The following NDUFAF6 variants were observed in gnomAD, a reference collection of about 807,000 sequenced individuals.
The protein encoded by NDUFAF6 is NADH:ubiquinone oxidoreductase complex assembly factor 6, also known as NADH dehydrogenase (ubiquinone) complex I, assembly factor 6.
NDUFAF6 carries 45 observed loss-of-function variants against 40.8 expected under a neutral mutation model. The observed-to-expected ratio is 1.10, with a 90% confidence interval of 0.87 to 1.42. The LOEUF (loss-of-function observed/expected upper bound fraction) is 1.42, where lower values mean the gene tolerates loss of function less well. NDUFAF6 is among the 40% of genes most tolerant of loss of function. NDUFAF6 has a pLI of 0.00. For synonymous variants in NDUFAF6, 185 were observed against 155.9 expected, an observed-to-expected ratio of 1.19 and a Z score of -1.39; for missense variants, 435 against 418.5, an observed-to-expected ratio of 1.04 and a Z score of -0.34.
chr8:94,946,052 G>A (rs1179072566), intron 2 of NDUFAF6, among the ~76,000 whole-genome samples: 1 of 151,540 alleles, frequency 6.6e-6, no homozygotes, highest in African/African-American at 2.4e-5. Flanking sequence ...AGAAAAATAA[G>A]TATTATTCCA....
At chr8:94,967,599 G>T (rs944377888) in intron 1 of NDUFAF6, among the ~76,000 whole-genome samples, 1 of 152,012 alleles carries the variant, frequency 6.6e-6, no homozygotes, top group African/African-American at 2.4e-5. Flanking sequence ...GCAGGGCTTA[G>T]TTGGGTGCCT....
At chr8:95,044,367 A>G (rs1830482691) in intron 4 of NDUFAF6, 1 of 152,160 alleles carries the variant, frequency 6.6e-6, no homozygotes, top group Non-Finnish European at 1.5e-5. Flanking sequence ...TTGAAGGGAT[A>G]AATTTTATGG....
At chr8:94,931,519 G>T (rs2131315010) in intron 1 of NDUFAF6, among the ~76,000 whole-genome samples, 1 of 152,148 alleles carries the variant, frequency 6.6e-6, no homozygotes, top group East Asian at 1.9e-4. Flanking sequence ...ATTTTTAAGA[G>T]TTATTTTACA....
intron 4 of NDUFAF6, among the ~76,000 whole-genome samples, chr8:95,109,872 C>T (rs141167121): frequency 6.6e-6 from 1 of 152,218 alleles, no homozygotes; most frequent in Non-Finnish European, 1.5e-5. Flanking sequence ...GTTTCTGCCT[C>T]TTTGTATGGA....
intron 2 of NDUFAF6, among the ~76,000 whole-genome samples, chr8:94,985,725 A>G (rs1825851127): frequency 6.7e-6 from 1 of 148,824 alleles, no homozygotes; most frequent in Admixed American, 6.7e-5. Flanking sequence ...TAGTAGAGAC[A>G]GGGTTTCACT....
intron 1 of NDUFAF6, among the ~76,000 whole-genome samples, chr8:94,912,136 G>A (rs1330702848): frequency 6.6e-6 from 1 of 152,096 alleles, no homozygotes; most frequent in African/African-American, 2.4e-5. Flanking sequence ...TTTAACAGTG[G>A]TCTCTATCCT....
upstream of NDUFAF6, among the ~76,000 whole-genome samples, chr8:95,023,605 G>A (rs972354612): frequency 1.3e-5 from 2 of 152,194 alleles, no homozygotes; most frequent in African/African-American, 4.8e-5. Flanking sequence ...GGAGGCAAGA[G>A]GGATTCAAGT....
At chr8:94,929,742 A>C (rs1431533286) in intron 1 of NDUFAF6, 1 of 152,240 alleles carries the variant, frequency 6.6e-6, no homozygotes, top group Non-Finnish European at 1.5e-5. Flanking sequence ...TTTTCCAAAT[A>C]TAATCTCACA....
chr8:94,951,562 T>C (rs1450877245), intron 2 of NDUFAF6, among the ~76,000 whole-genome samples: 1 of 152,222 alleles, frequency 6.6e-6, no homozygotes, highest in Non-Finnish European at 1.5e-5. Context: ...TGATTTATAA[T>C]CTTCCCACCT....
intron 2 of NDUFAF6, among the ~76,000 whole-genome samples, chr8:95,019,354 T>G (rs1407287513): frequency 1.3e-5 from 2 of 152,232 alleles, no homozygotes; most frequent in Admixed American, 1.3e-4. Flanking sequence ...ATTTTCAAAC[T>G]TTAGTTCTTT....
At chr8:95,102,039 C>A (rs1809666316) in intron 2 of NDUFAF6, among the ~76,000 whole-genome samples, 1 of 152,042 alleles carries the variant, frequency 6.6e-6, no homozygotes, top group South Asian at 2.1e-4. Flanking sequence ...CTCTTGTTGC[C>A]CAGGCTGGAC....
At chr8:95,089,968 TGCC>T (rs1160245684) in intron 2 of NDUFAF6, among the ~76,000 whole-genome samples, 1 of 152,208 alleles carries the variant, frequency 6.6e-6, no homozygotes, top group Non-Finnish European at 1.5e-5. Context: ...AAATATCTGC[TGCC>T]CTGCGGGTCC....
intron 1 of NDUFAF6, among the ~76,000 whole-genome samples, chr8:94,933,164 C>T (rs1304746022): frequency 6.6e-6 from 1 of 152,144 alleles, no homozygotes; most frequent in Non-Finnish European, 1.5e-5. Context: ...TGCAGTGAGC[C>T]GAGATTGCGC....
chr8:94,968,512 G>T lies in NDUFAF6; in HGVS notation c.-199+10333G>T, dbSNP rs1328210053. 3.3e-5 allele frequency among the ~76,000 whole-genome samples: 5 copies of T among 152,194 alleles called. No homozygotes were observed. In the East Asian group the frequency reaches 9.6e-4, roughly 29 times the overall value. ...GCATTCCAGCCAGAGGGAAGAACAG[G>T]TGCAAGCTCCCTGAGGCAGGAGCAT... On this transcript the variant is annotated intron_variant, in intron 1 of 9. Transcript: ENST00000396111.
intron 1 of NDUFAF6, among the ~76,000 whole-genome samples, chr8:94,898,208 C>T (rs936221851): frequency 1.3e-5 from 2 of 152,086 alleles, no homozygotes; most frequent in Non-Finnish European, 2.9e-5. Context: ...GAATCAATGT[C>T]GATGTGTTAT....
chr8:94,964,633 GAGA>G (rs1453801679), intron 1 of NDUFAF6, among the ~76,000 whole-genome samples: 1 of 152,118 alleles, frequency 6.6e-6, no homozygotes, highest in Non-Finnish European at 1.5e-5. Flanking sequence ...GCAAGAGAGC[GAGA>G]AGGAGGTGCC....
chr8:95,089,456 CTG>C (rs72153305), intron 2 of NDUFAF6, among the ~76,000 whole-genome samples: 32,015 of 101,884 alleles, frequency 0.31, 3,673 homozygotes, highest in African/African-American at 0.43. Flanking sequence ...ATAGTGTAAA[CTG>C]TGTGTATATA....
upstream of NDUFAF6, among the ~76,000 whole-genome samples, chr8:94,957,718 A>G (rs1823200449): frequency 6.6e-6 from 1 of 152,176 alleles, no homozygotes; most frequent in Non-Finnish European, 1.5e-5. Flanking sequence ...GAGCTGAGGA[A>G]CGTGGAAGCG....
At chr8:95,060,045 T>TA (rs1321360117), downstream of NDUFAF6, among the ~76,000 whole-genome samples, 1 of 151,836 alleles carries the variant, frequency 6.6e-6, no homozygotes, top group Non-Finnish European at 1.5e-5. Context: ...AGGGTTTAAT[T>TA]ACGCGACTGG....
Sources: gnomAD v4.1 joint callset for allele counts (sites outside exome capture counted in the v4.1 genomes callset) on GRCh38, gnomAD v4.1.1 for gene constraint, MANE v1.5 for transcripts, NCBI Gene and HGNC (gene_info 2026-07-23, HGNC 2026-07-21) for gene names.